MORC2: variants seen among roughly 807,000 people sequenced by gnomAD.
The protein encoded by MORC2 is MORC family CW-type zinc finger 2, also known as ATPase MORC2.
A neutral mutation model predicts 136.0 loss-of-function variants in MORC2; 30 were observed. The observed-to-expected ratio is 0.22, with a 90% CI of 0.17 to 0.30. The LOEUF (loss-of-function observed/expected upper bound fraction) is 0.30, where lower values mean the gene tolerates loss of function less well. MORC2 is among the 10% of genes least tolerant of loss of function. The pLI is 1.00. For missense variants in MORC2, 922 were observed against 1,333.1 expected (o/e 0.69, Z 4.80); for synonymous variants, 439 against 487.0 (o/e 0.90, Z 1.30).
chr22:30,941,706 GCAC>G lies in MORC2; in HGVS notation c.699-151_699-149del, dbSNP rs940091068. ...CTGAACTGGTGCTCCCTTAGTGTGA[GCAC>G]CACATCCCGCCCCTCTCACGTCCTC... On this transcript the variant is annotated intron_variant, in intron 8 of 25. Coordinates refer to ENST00000397641, the MANE Select transcript of MORC2 (RefSeq NM_001303256.3). The surrounding 1 kb of genome is among the most constrained non-coding windows in gnomAD (Gnocchi z 4.6). 146 of 1,283,066 alleles carry G rather than the reference GCAC, an allele frequency of 1.1e-4. 2 individuals carry two copies. In the East Asian group the frequency reaches 2.7e-3, roughly 24 times the overall value. The allele number at this position is 1,283,066 out of a possible 1,614,324, so 79.5% of individuals were successfully genotyped here. A position where few individuals can be genotyped will look rare whatever the true frequency, so the allele number is the denominator to read the frequency against.
intron 3 of MORC2, among the ~76,000 whole-genome samples, chr22:30,952,872 G>T (rs1477495962): frequency 6.6e-6 from 1 of 152,222 alleles, no homozygotes; most frequent in East Asian, 1.9e-4. Flanking sequence ...GGAAGTAAAG[G>T]ACAGGAGGGT....
intron 1 of MORC2, among the ~76,000 whole-genome samples, chr22:30,963,065 G>A (rs1434576962): frequency 6.6e-6 from 1 of 151,666 alleles, no homozygotes; most frequent in African/African-American, 2.4e-5. Flanking sequence ...TCCGCCTCCC[G>A]GGTTCAGGCC....
At position 30,942,279 on chromosome 22, in the gene MORC2, G is replaced by A; in HGVS notation, c.427-8C>T. ...GGGCAGTGGGACTATCACCTGTGGA[G>A]TAAACATGAGCAGGCACTTTAAGGG... is the stretch of plus-strand genomic sequence containing the variant. On this transcript the variant is annotated splice_polypyrimidine_tract_variant and splice_region_variant and intron_variant, in intron 6 of 25. Coordinates refer to ENST00000397641, the MANE Select transcript of MORC2 (RefSeq NM_001303256.3). The A allele has an allele frequency of 6.2e-7, 1 of 1,604,358 alleles. No individual in the cohort carries two copies. Among genetic ancestry groups the A allele is most frequent in the Non-Finnish European group, 8.5e-7 (1 of 1,177,286 alleles).
At chr22:30,936,329 A>T (rs1306960538) in intron 17 of MORC2, among the ~76,000 whole-genome samples, 182 bp downstream of exon 17, 1 of 152,222 alleles carries the variant, frequency 6.6e-6, no homozygotes, top group Non-Finnish European at 1.5e-5. Flanking sequence ...TATTCTTAAA[A>T]TAACACTGTT....
At chr22:30,936,191 G>C (rs1164593168) in intron 17 of MORC2, among the ~76,000 whole-genome samples, 1 of 152,152 alleles carries the variant, frequency 6.6e-6, no homozygotes, top group African/African-American at 2.4e-5. Flanking sequence ...TGACAAGTTG[G>C]AAGGATGTAT....
Position 30,962,034 on chromosome 22 carries a change from A to G in MORC2, c.69-3340T>C, listed in dbSNP as rs752993487. 2.6e-5 allele frequency among the ~76,000 whole-genome samples: 4 copies of G among 151,974 alleles called. No individual in the cohort carries two copies. In the East Asian group the frequency reaches 5.8e-4, roughly 22 times the overall value. On this transcript the variant is annotated intron_variant, in intron 1 of 25. Transcript: ENST00000397641. Reference sequence around the variant, plus strand: ...AACATGTTGAAACCCTGACTCTACTAAAAATACAAAAAAATTAGTCAGGCA... The same window carrying G: ...AACATGTTGAAACCCTGACTCTACTGAAAATACAAAAAAATTAGTCAGGCA...
At position 30,937,515 on chromosome 22, in the gene MORC2, G is replaced by A. The variant is rs968412814; in HGVS notation, c.1498+68C>T. ...TGTCAGTCAAGTTAGGAGGCTGGCAGGAAGATAGAGAAAAGAGGCTTGTGG... is the reference window on the plus strand; with the variant it reads ...TGTCAGTCAAGTTAGGAGGCTGGCAAGAAGATAGAGAAAAGAGGCTTGTGG... On this transcript the variant is annotated intron_variant, in intron 15 of 25. Coordinates refer to ENST00000397641, the MANE Select transcript of MORC2 (RefSeq NM_001303256.3). The surrounding 1 kb of genome is among the most constrained non-coding windows in gnomAD (Gnocchi z 4.7). The A allele has an allele frequency of 1.1e-5, 17 of 1,575,676 alleles. No homozygotes were observed. Among genetic ancestry groups the A allele is most frequent in the Non-Finnish European group, 1.3e-5 (15 of 1,162,576 alleles).
At chr22:30,948,731 T>G (rs755338446) in intron 5 of MORC2, among the ~76,000 whole-genome samples, 80 of 152,304 alleles carry the variant, frequency 5.3e-4, no homozygotes, top group Non-Finnish European at 9.4e-4. Context: ...GGAAAGTAAC[T>G]TCACCCTTAT....
chr22:30,942,336 C>T (rs1049790732), intron 6 of MORC2, 65 bp from the exon 7 acceptor site: 1 of 1,533,058 alleles, frequency 6.5e-7, no homozygotes, highest in Non-Finnish European at 8.8e-7. Context: ...CCCAAATGTG[C>T]ATCTCTCTTG....
At chr22:30,947,478 G>C (rs1014301432) in intron 5 of MORC2, among the ~76,000 whole-genome samples, 1 of 152,202 alleles carries the variant, frequency 6.6e-6, no homozygotes, top group South Asian at 2.1e-4. Context: ...ACCCCAGGGA[G>C]ATGATGGAGG....
At chr22:30,929,600 T>C (rs1009439939) in intron 24 of MORC2, among the ~76,000 whole-genome samples, 1 of 151,920 alleles carries the variant, frequency 6.6e-6, no homozygotes, top group East Asian at 1.9e-4. Context: ...TATAAAAAAT[T>C]AGCCAGGCGT....
chr22:30,946,332 G>A lies in MORC2; in HGVS notation c.426+9C>T. On this transcript the variant is annotated intron_variant, in intron 6 of 25. Transcript: ENST00000397641. ...GACTGGTGATGCAGACCACGATGATGGGACCTACTTCATCAATGCCTTCTT... is the reference window on the plus strand; with the variant it reads ...GACTGGTGATGCAGACCACGATGATAGGACCTACTTCATCAATGCCTTCTT... The A allele has an allele frequency of 1.3e-6, 2 of 1,597,734 alleles. No individual in the cohort carries two copies. The highest frequency in any genetic ancestry group is 2.3e-5 in the South Asian group (2 of 88,370).
At chr22:30,959,639 T>TAA (rs917162985) in intron 1 of MORC2, among the ~76,000 whole-genome samples, 2 of 147,306 alleles carry the variant, frequency 1.4e-5, no homozygotes, top group South Asian at 2.1e-4. Context: ...TAGAACCACC[T>TAA]AAAAAAAAAA....
chr22:30,958,288 T>G (rs2040994946), intron 2 of MORC2, among the ~76,000 whole-genome samples: 1 of 152,230 alleles, frequency 6.6e-6, no homozygotes, highest in East Asian at 1.9e-4. Flanking sequence ...CTAGCACAAA[T>G]TAAATCAGAG....
At chr22:30,950,338 C>CAACA in intron 4 of MORC2, 39 bp downstream of exon 4, 1 of 695,192 alleles carries the variant, frequency 1.4e-6, no homozygotes. Flanking sequence ...GGTTACATCG[C>CAACA]ACCCCCCCAC....
chr22:30,943,744 A>T (rs2040774295), intron 6 of MORC2, among the ~76,000 whole-genome samples: 1 of 151,758 alleles, frequency 6.6e-6, no homozygotes, highest in Non-Finnish European at 1.5e-5. Context: ...TTTTTATTTT[A>T]TTTTTTTTGA....
At position 30,937,017 on chromosome 22, in the gene MORC2, T is replaced by A; in HGVS notation, c.1519A>T (p.Thr507Ser). Residue 507 changes from threonine to serine, a missense_variant, in exon 16 of 26, where the codon ACC (threonine) becomes TCC (serine). Thr to Ser is a moderately conservative substitution (Grantham distance 58). Around this residue, in one of 9 missense-constraint regions of MORC2, gnomAD observed 119 missense variants for 202.7 expected, o/e 0.59. Transcript: ENST00000397641. This position sits in a 1 kb window ranked among gnomAD's most constrained non-coding sequence, Gnocchi z 4.7. ...IQCDLCLKWRTLPFQLSSVEK... is the reference protein window; with the variant it reads ...IQCDLCLKWRSLPFQLSSVEK... ...ACAGAACTCAGCTGGAAGGGGAGGG[T>A]TCTCCATTTCAGACACAAATCTGCA... is the stretch of plus-strand genomic sequence containing the variant. 1 of 1,613,562 alleles carries A rather than the reference T, an allele frequency of 6.2e-7. No individual in the cohort carries two copies.
intron 6 of MORC2, among the ~76,000 whole-genome samples, chr22:30,945,240 C>T (rs1458838942): frequency 6.6e-6 from 1 of 152,158 alleles, no homozygotes; most frequent in Non-Finnish European, 1.5e-5. Context: ...CCAGCTGCCA[C>T]GCTTCTCTCA....
At chr22:30,959,111 CTT>C (rs2041007471) in intron 1 of MORC2, among the ~76,000 whole-genome samples, 1 of 152,150 alleles carries the variant, frequency 6.6e-6, no homozygotes, top group Admixed American at 6.5e-5. Flanking sequence ...AAATATTGAA[CTT>C]TGTTTTTTGT....
Sources: gnomAD v4.1 joint callset for allele counts (sites outside exome capture counted in the v4.1 genomes callset) on GRCh38, gnomAD v4.1.1 for gene constraint, gnomAD v4.1.1 regional missense constraint, Gnocchi (gnomAD v3.1) non-coding constraint, MANE v1.5 for transcripts, NCBI Gene and HGNC (gene_info 2026-07-23, HGNC 2026-07-21) for gene names.